PLCL2: variants seen among roughly 807,000 people sequenced by gnomAD.
The protein encoded by PLCL2 is inactive phospholipase C-like protein 2.
In PLCL2, 4 loss-of-function variants were observed where a neutral mutation model predicts 79.6. The observed-to-expected ratio is 0.05, with a 90% CI of 0.02 to 0.11. The LOEUF (loss-of-function observed/expected upper bound fraction) is 0.11. PLCL2 is among the 10% of genes least tolerant of loss of function. The pLI, the probability that PLCL2 is intolerant of heterozygous loss-of-function variation, is 1.00. For missense variants in PLCL2, 895 were observed against 1,291.0 expected, an observed-to-expected ratio of 0.69 and a Z score of 4.70; for synonymous variants, 484 against 457.7, an observed-to-expected ratio of 1.06 and a Z score of -0.73.
In PLCL2 at chr3:17,061,173, G is replaced by A. The variant is rs572080447; in HGVS notation, c.3095-6783G>A. On this transcript the variant is annotated intron_variant, in intron 4 of 5. Transcript: ENST00000615277. Reference sequence around the variant, plus strand: ...ATGTTTGAAAGGTCGTCTGCTTTACGTTTGGCAAGAATAAATGGCATTCAT... The same window carrying A: ...ATGTTTGAAAGGTCGTCTGCTTTACATTTGGCAAGAATAAATGGCATTCAT... Among the ~76,000 whole-genome samples the A allele has an allele frequency of 1.8e-4, 27 of 152,280 alleles. 1 individual carries two copies. In the East Asian group the frequency reaches 4.6e-3, roughly 26 times the overall value.
At chr3:16,991,341 T>G (rs1033594892) in intron 1 of PLCL2, among the ~76,000 whole-genome samples, 1 of 152,204 alleles carries the variant, frequency 6.6e-6, no homozygotes, top group South Asian at 2.1e-4. Context: ...TGGGCACAAC[T>G]GCATTTAACG....
intron 1 of PLCL2, among the ~76,000 whole-genome samples, chr3:16,946,406 A>G (rs1232206649): frequency 6.6e-6 from 1 of 151,888 alleles, no homozygotes; most frequent in East Asian, 1.9e-4. Context: ...AGCTTTAAAA[A>G]ATATTTTTAA....
chr3:17,003,810 G>T (rs1285304653), intron 1 of PLCL2, among the ~76,000 whole-genome samples: 1 of 152,154 alleles, frequency 6.6e-6, no homozygotes, highest in Non-Finnish European at 1.5e-5. Flanking sequence ...TGGGGCAATG[G>T]ATCTTTGCCT....
intron 1 of PLCL2, among the ~76,000 whole-genome samples, chr3:16,945,009 C>G (rs2063587593): frequency 6.6e-6 from 1 of 152,188 alleles, no homozygotes; most frequent in Non-Finnish European, 1.5e-5. Flanking sequence ...ATCCACCCAC[C>G]TGGGCCTCCC....
At chr3:16,998,357 G>A (rs868102721) in intron 1 of PLCL2, among the ~76,000 whole-genome samples, 9 of 152,096 alleles carry the variant, frequency 5.9e-5, no homozygotes, top group Middle Eastern at 3.2e-3. Flanking sequence ...TTACTAGACA[G>A]TTATTACCAA....
intron 1 of PLCL2, among the ~76,000 whole-genome samples, chr3:17,001,305 C>T (rs1171179493): frequency 2.6e-5 from 4 of 151,960 alleles, no homozygotes; most frequent in African/African-American, 9.7e-5. Context: ...CATATTTTCT[C>T]CCATTCTGTA....
chr3:16,926,961 A>G (rs923468651), intron 1 of PLCL2, among the ~76,000 whole-genome samples: 3 of 152,112 alleles, frequency 2.0e-5, no homozygotes, highest in African/African-American at 4.8e-5. Context: ...AAGAACGGGA[A>G]GTGGGTGGCT....
chr3:17,001,114 C>T (rs796372135), intron 1 of PLCL2, among the ~76,000 whole-genome samples: 1 of 151,862 alleles, frequency 6.6e-6, no homozygotes, highest in Non-Finnish European at 1.5e-5. Context: ...AACAGGGATG[C>T]GATGATATCC....
chr3:16,953,224 C>T (rs2063669411), intron 1 of PLCL2, among the ~76,000 whole-genome samples: 2 of 152,060 alleles, frequency 1.3e-5, no homozygotes, highest in African/African-American at 4.8e-5. Context: ...GTTGTGCATA[C>T]ATCACATGTA....
chr3:17,044,208 A>C (rs1228487183), intron 4 of PLCL2: 1 of 152,376 alleles, frequency 6.6e-6, no homozygotes, highest in Non-Finnish European at 1.5e-5. Context: ...GGCAGTTGGC[A>C]ATAGATAAGG....
intron 1 of PLCL2, among the ~76,000 whole-genome samples, chr3:16,921,098 G>A (rs1025524347): frequency 3.3e-5 from 5 of 152,150 alleles, no homozygotes; most frequent in Non-Finnish European, 7.4e-5. Context: ...AGCTCATATG[G>A]TAAGTTTTCC....
intron 1 of PLCL2, among the ~76,000 whole-genome samples, chr3:16,988,439 T>C (rs1040999634): frequency 6.6e-6 from 1 of 152,104 alleles, no homozygotes; most frequent in Non-Finnish European, 1.5e-5. Context: ...CATACAACTT[T>C]TGTTGAGATT....
At chr3:16,963,487 T>C (rs916297539) in intron 1 of PLCL2, among the ~76,000 whole-genome samples, 21 of 152,134 alleles carry the variant, frequency 1.4e-4, no homozygotes, top group Non-Finnish European at 2.4e-4. Flanking sequence ...AATCAAATAA[T>C]AAAATTGCAT....
At chr3:16,993,945 T>C (rs577837194) in intron 1 of PLCL2, among the ~76,000 whole-genome samples, 1 of 152,188 alleles carries the variant, frequency 6.6e-6, no homozygotes, top group Non-Finnish European at 1.5e-5. Flanking sequence ...CAGGAAGCTG[T>C]ATTTAGAATG....
At chr3:17,083,504 T>TG (rs2065184886) in intron 5 of PLCL2, among the ~76,000 whole-genome samples, 1 of 152,126 alleles carries the variant, frequency 6.6e-6, no homozygotes, top group Non-Finnish European at 1.5e-5. Flanking sequence ...CTAAGTTATT[T>TG]GGGGAGCTGC....
chr3:16,940,488 G>T (rs1697653071), intron 1 of PLCL2, among the ~76,000 whole-genome samples: 1 of 152,154 alleles, frequency 6.6e-6, no homozygotes, highest in African/African-American at 2.4e-5. Context: ...AGGTACTGGG[G>T]GCTAGAGGGT....
chr3:16,981,531 GT>G (rs1019648282), intron 1 of PLCL2, among the ~76,000 whole-genome samples: 1 of 152,100 alleles, frequency 6.6e-6, no homozygotes, highest in African/African-American at 2.4e-5. Flanking sequence ...TGGTTATTTG[GT>G]TCAATTGTAA....
chr3:17,072,118 C>T lies in PLCL2; in HGVS notation c.3204+4053C>T, dbSNP rs368957858. 1.2e-4 allele frequency among the ~76,000 whole-genome samples: 18 copies of T among 152,076 alleles called. 1 individual carries two copies. The highest frequency in any genetic ancestry group is 4.2e-4 in the South Asian group (2 of 4,814). ...CTGGGATTACAGGTGTGAGCCATCA[C>T]GCCTGACTGATAGAATTCTAATATA... On this transcript the variant is annotated intron_variant, in intron 5 of 5. Coordinates refer to ENST00000615277, the MANE Select transcript of PLCL2 (RefSeq NM_001144382.2).
At chr3:16,986,735 T>C (rs34797423) in intron 1 of PLCL2, among the ~76,000 whole-genome samples, 1,636 of 152,116 alleles carry the variant, frequency 0.011, 32 homozygotes, top group Admixed American at 0.046. Flanking sequence ...GCATTAGGGA[T>C]GGTAGAACTG....
Sources: gnomAD v4.1 joint callset for allele counts (sites outside exome capture counted in the v4.1 genomes callset) on GRCh38, gnomAD v4.1.1 for gene constraint, MANE v1.5 for transcripts, NCBI Gene and HGNC (gene_info 2026-07-23, HGNC 2026-07-21) for gene names.